ODF2: variants seen among roughly 807,000 people sequenced by gnomAD.
ODF2 encodes the protein outer dense fiber protein 2.
ODF2 carries 47 observed loss-of-function variants against 110.2 expected under a neutral mutation model. The ratio of observed to expected loss-of-function variants is 0.43; its 90% confidence interval spans 0.34 to 0.54. The LOEUF (loss-of-function observed/expected upper bound fraction) is 0.54. ODF2 is among the 20% of genes least tolerant of loss of function. The pLI is 0.03. For missense variants in ODF2, 812 were observed against 1,054.5 expected, an observed-to-expected ratio of 0.77 and a Z score of 3.19; for synonymous variants, 352 against 397.7, an observed-to-expected ratio of 0.89 and a Z score of 1.37.
intron 13 of ODF2, 50 bp from the exon 14 acceptor site, chr9:128,487,840 A>T: frequency 6.3e-7 from 1 of 1,599,834 alleles, no homozygotes. Flanking sequence ...CACACAAACA[A>T]ACCTGTGTAA....
intron 14 of ODF2, 50 bp from the exon 15 acceptor site, chr9:128,492,376 C>A: frequency 7.9e-7 from 1 of 1,262,604 alleles, no homozygotes; most frequent in Non-Finnish European, 1.2e-6. Flanking sequence ...GTAGGAGGTC[C>A]ACCTGAAGCA....
At chr9:128,492,628 G>A in intron 15 of ODF2, 73 bp from the exon 16 acceptor site, 2 of 1,543,062 alleles carry the variant, frequency 1.3e-6, no homozygotes, top group East Asian at 2.2e-5. Flanking sequence ...CCCAGGGAGG[G>A]TTGGGTATGG....
At chr9:128,458,296 CAT>C (rs1306217899) in intron 2 of ODF2, among the ~76,000 whole-genome samples, 2 of 151,896 alleles carry the variant, frequency 1.3e-5, no homozygotes, top group African/African-American at 4.8e-5. Flanking sequence ...TTACTAGAAA[CAT>C]AAAAAATTAG....
intron 2 of ODF2, among the ~76,000 whole-genome samples, chr9:128,457,955 T>TC (rs1835373073): frequency 5.4e-5 from 8 of 148,866 alleles, no homozygotes; most frequent in Non-Finnish European, 8.9e-5. Flanking sequence ...TTTTTTTTTT[T>TC]CCCCTCTTTT....
intron 5 of ODF2, 61 bp downstream of exon 5, chr9:128,469,414 G>C: frequency 6.4e-7 from 1 of 1,559,324 alleles, no homozygotes; most frequent in Non-Finnish European, 8.8e-7. Flanking sequence ...GCACCCAGGT[G>C]GATTTCCTGC....
At chr9:128,475,939 C>T (rs563293829) in intron 8 of ODF2, among the ~76,000 whole-genome samples, 15 of 151,938 alleles carry the variant, frequency 9.9e-5, no homozygotes, top group Non-Finnish European at 1.5e-4. Context: ...CCACCGCGCC[C>T]GGCCGAGTTC....
chr9:128,470,018 A>AATATAT, intron 5 of ODF2, among the ~76,000 whole-genome samples: 426 of 16,966 alleles, frequency 0.025, 26 homozygotes, highest in Admixed American at 0.063. Flanking sequence ...AAAAAAAAAA[A>AATATAT]ATATATATAT....
intron 5 of ODF2, 186 bp downstream of exon 5, chr9:128,469,539 C>A (rs1839183381): frequency 4.9e-6 from 3 of 615,636 alleles, no homozygotes; most frequent in Non-Finnish European, 8.6e-6. Flanking sequence ...ATCCCACCAA[C>A]AAGGGCCCTC....
chr9:128,460,397 A>T, intron 3 of ODF2, 153 bp from the exon 3 acceptor site: 1 of 1,430,614 alleles, frequency 7.0e-7, no homozygotes, highest in Non-Finnish European at 9.3e-7. Flanking sequence ...CTCCCGCCTT[A>T]CTCCCTGCCT....
intron 11 of ODF2, 102 bp downstream of exon 11, chr9:128,484,156 A>C: frequency 2.4e-6 from 2 of 819,760 alleles, no homozygotes; most frequent in African/African-American, 3.4e-5. Flanking sequence ...GTGCCTCCAA[A>C]GGTTTCTGAG....
intron 12 of ODF2, 94 bp downstream of exon 12, chr9:128,484,980 T>C (rs1294423111): frequency 9.1e-7 from 1 of 1,094,164 alleles, no homozygotes; most frequent in South Asian, 1.3e-5. Flanking sequence ...CGGGGAGGGG[T>C]GGGTGGATGA....
chr9:128,460,570 C>G, intron 3 of ODF2: 2 of 1,613,882 alleles, frequency 1.2e-6, no homozygotes, highest in East Asian at 2.2e-5. Flanking sequence ...TGAAGGACCG[C>G]TCTTCAACTC....
chr9:128,456,153 G>A (rs1001112480), exon 1 of ODF2: 1 of 1,549,212 alleles, frequency 6.5e-7, no homozygotes, highest in Non-Finnish European at 8.7e-7. Context: ...GCCGCTGCCA[G>A]AGCCAGACTG....
chr9:128,477,473 C>T (rs577986113), intron 8 of ODF2, among the ~76,000 whole-genome samples: 1 of 152,188 alleles, frequency 6.6e-6, no homozygotes, highest in South Asian at 2.1e-4. Context: ...TGCTTGAGCC[C>T]TGGAGGTCAA....
chr9:128,497,438 AAAAAAAAAATATATATATATATATAT>A (rs1564532405), intron 18 of ODF2: 6 of 94,556 alleles, frequency 6.3e-5, no homozygotes, highest in African/African-American at 3.4e-4. Context: ...AAAAAAAAAA[AAAAAAAAAATATATATATATATATAT>A]ATATATATAT....
chr9:128,496,610 T>C (rs770388924), intron 18 of ODF2, among the ~76,000 whole-genome samples: 1 of 152,254 alleles, frequency 6.6e-6, no homozygotes, highest in Non-Finnish European at 1.5e-5. Flanking sequence ...AGCCCTGGCC[T>C]TGGGGCCCAG....
At chr9:128,459,507 C>A in intron 2 of ODF2, 60 bp from the exon 2 acceptor site, 2 of 1,336,846 alleles carry the variant, frequency 1.5e-6, no homozygotes, top group Non-Finnish European at 2.1e-6. Context: ...TTCATGAGAT[C>A]TGAAATATAA....
rs545163388 is a variant in ODF2, at chr9:128,483,283, A to G, written c.987+396A>G. Among the ~76,000 whole-genome samples, 389 of 152,236 alleles carry G rather than the reference A, an allele frequency of 2.6e-3. 1 individual carries two copies. The highest frequency in any genetic ancestry group is 6.8e-3 in the Middle Eastern group (2 of 294). The stretch of plus-strand genomic sequence containing the variant: ...GTCTTTGGGCCGGGTGCAGTAGCTC[A>G]TGTCTGGCACTTTTTCGAGACCAGC... On this transcript the variant is annotated intron_variant, in intron 10 of 20. Transcript: ENST00000604420.
intron 3 of ODF2, 155 bp from the exon 3 acceptor site, chr9:128,460,395 T>C: frequency 4.9e-6 from 7 of 1,429,368 alleles, no homozygotes; most frequent in Non-Finnish European, 6.5e-6. Context: ...TACTCCCGCC[T>C]TACTCCCTGC....
Sources: gnomAD v4.1 joint callset for allele counts (sites outside exome capture counted in the v4.1 genomes callset) on GRCh38, gnomAD v4.1.1 for gene constraint, MANE v1.5 for transcripts, NCBI Gene and HGNC (gene_info 2026-07-23, HGNC 2026-07-21) for gene names.